The following NIBAN2 variants were observed in gnomAD, a reference collection of about 807,000 sequenced individuals.
NIBAN2 encodes protein Niban 2.
In NIBAN2, 36 loss-of-function variants were observed where a neutral mutation model predicts 81.8. The observed-to-expected ratio is 0.44, with a 90% CI of 0.34 to 0.58. The LOEUF is 0.58. Ranked by LOEUF, NIBAN2 falls within the 20% of genes least tolerant of loss-of-function variation. The pLI is 0.02. For synonymous variants in NIBAN2, 445 were observed against 441.6 expected (o/e 1.01, Z -0.10); for missense variants, 897 against 1,014.1 (o/e 0.88, Z 1.57).
At position 127,510,332 on chromosome 9, in the gene NIBAN2, G is replaced by A; in HGVS notation, c.975C>T (p.Ala325=). Reference sequence around the variant, plus strand: ...ACACCTCTGCCTTGGGGAGGATGAAGGCTGTGCCCCGAGGGAGCCGGGTCA... The same window carrying A: ...ACACCTCTGCCTTGGGGAGGATGAAAGCTGTGCCCCGAGGGAGCCGGGTCA... The part of the protein sequence containing the change: ...SKEHLASKIR[A]FILPKAEVCV... Residue 325 remains alanine (A), a splice_region_variant and synonymous_variant, in exon 9 of 14, where the codon GCC becomes GCT. Coordinates refer to ENST00000373312, the MANE Select transcript of NIBAN2 (RefSeq NM_022833.4). 6.3e-7 allele frequency: 1 copy of A among 1,595,832 alleles called. No homozygotes were observed. The highest frequency in any genetic ancestry group is 2.3e-5 in the East Asian group (1 of 44,304).
chr9:127,573,653 T>C (rs1382339787), upstream of NIBAN2, among the ~76,000 whole-genome samples: 2 of 152,014 alleles, frequency 1.3e-5, no homozygotes, highest in African/African-American at 2.4e-5. Flanking sequence ...GTGGGTTTTA[T>C]TTTTATTTTG....
chr9:127,568,122 G>A (rs764117673), intron 1 of NIBAN2, among the ~76,000 whole-genome samples: 23 of 152,228 alleles, frequency 1.5e-4, no homozygotes, highest in Non-Finnish European at 1.3e-4. Flanking sequence ...GTAATAGGCT[G>A]AGAGTAGGGT....
chr9:127,519,400 G>A (rs1011572383), intron 5 of NIBAN2, among the ~76,000 whole-genome samples: 4 of 152,122 alleles, frequency 2.6e-5, no homozygotes, highest in African/African-American at 4.8e-5. Flanking sequence ...AAACGCCACC[G>A]AGCCAGGCAG....
chr9:127,550,622 G>A (rs554021332), intron 1 of NIBAN2, among the ~76,000 whole-genome samples: 1 of 152,308 alleles, frequency 6.6e-6, no homozygotes, highest in East Asian at 1.9e-4. Flanking sequence ...GACACCAGAG[G>A]AGGATGGCAT....
intron 1 of NIBAN2, among the ~76,000 whole-genome samples, chr9:127,532,323 G>C (rs1480429918): frequency 6.6e-6 from 1 of 152,160 alleles, no homozygotes; most frequent in African/African-American, 2.4e-5. Flanking sequence ...AAAGATGGAG[G>C]GGGGCCAGGC....
intron 1 of NIBAN2, among the ~76,000 whole-genome samples, chr9:127,532,914 T>C (rs747096254): frequency 6.6e-6 from 1 of 151,990 alleles, no homozygotes; most frequent in African/African-American, 2.4e-5. Context: ...TCACAGCACT[T>C]TGGGAGGACA....
At chr9:127,519,841 C>T (rs1489257599) in intron 5 of NIBAN2, among the ~76,000 whole-genome samples, 1 of 152,248 alleles carries the variant, frequency 6.6e-6, no homozygotes. Flanking sequence ...CCCCACCCGC[C>T]TCTCAGAAGG....
At chr9:127,529,198 C>T (rs1837133295) in intron 2 of NIBAN2, among the ~76,000 whole-genome samples, 1 of 152,192 alleles carries the variant, frequency 6.6e-6, no homozygotes, top group Non-Finnish European at 1.5e-5. Flanking sequence ...AACTGGAACT[C>T]CTGTGTCGGC....
intron 3 of NIBAN2, 102 bp from the exon 4 acceptor site, chr9:127,525,265 G>C (rs911094511): frequency 3.9e-6 from 3 of 766,196 alleles, no homozygotes; most frequent in Non-Finnish European, 4.4e-6. Flanking sequence ...AAGTGGGGAG[G>C]AGAAGGGAAA....
chr9:127,569,138 C>T (rs1473681978), upstream of NIBAN2: 2 of 935,930 alleles, frequency 2.1e-6, no homozygotes, highest in African/African-American at 1.8e-5. Flanking sequence ...ACCACGCCCC[C>T]GCAGGCCAAC....
chr9:127,564,729 C>T (rs1018514262), intron 1 of NIBAN2, among the ~76,000 whole-genome samples: 10 of 151,924 alleles, frequency 6.6e-5, no homozygotes, highest in African/African-American at 1.7e-4. Context: ...CAAAATTAGC[C>T]GGGCATGGTG....
chr9:127,573,139 G>A (rs10760490), upstream of NIBAN2, among the ~76,000 whole-genome samples: 20,590 of 152,186 alleles, frequency 0.14, 1,499 homozygotes, highest in Admixed American at 0.17. Context: ...CACAGAGAAG[G>A]CGTGACAGGT....
chr9:127,577,710 T>TTTTGTTTGTTTGTTTGTTTGTTTC (rs376947080), intron 1 of NIBAN2, among the ~76,000 whole-genome samples: 1 of 151,856 alleles, frequency 6.6e-6, no homozygotes, highest in African/African-American at 2.4e-5. Flanking sequence ...TGCTATATCT[T>TTTTGTTTGTTTGTTTGTTTGTTTC]TTTGTTTGTT....
intron 9 of NIBAN2, 89 bp downstream of exon 9, chr9:127,510,057 G>T (rs1440366383): frequency 5.4e-6 from 7 of 1,292,558 alleles, no homozygotes; most frequent in Non-Finnish European, 7.5e-6. Flanking sequence ...GGAGGGGAAC[G>T]GCTGCCCGGA....
At chr9:127,519,315 T>C (rs943882400) in intron 5 of NIBAN2, among the ~76,000 whole-genome samples, 2 of 151,660 alleles carry the variant, frequency 1.3e-5, no homozygotes, top group African/African-American at 4.9e-5. Context: ...GAGTGAGGCG[T>C]GGACCTCCAG....
At chr9:127,519,276 T>C (rs1449229967) in intron 5 of NIBAN2, among the ~76,000 whole-genome samples, 2 of 151,302 alleles carry the variant, frequency 1.3e-5, no homozygotes, top group African/African-American at 4.9e-5. Flanking sequence ...GTGCTGTCAG[T>C]GGCCCAAACG....
chr9:127,530,084 T>C (rs377055649), intron 2 of NIBAN2, among the ~76,000 whole-genome samples: 1 of 152,228 alleles, frequency 6.6e-6, no homozygotes, highest in Non-Finnish European at 1.5e-5. Flanking sequence ...AGGGGAGCCA[T>C]TCTGGCCCCG....
At chr9:127,514,594 T>C (rs550408314) in intron 8 of NIBAN2, among the ~76,000 whole-genome samples, 2 of 152,250 alleles carry the variant, frequency 1.3e-5, no homozygotes, top group African/African-American at 4.8e-5. Flanking sequence ...CAATGAAAAA[T>C]ACCTTAGTAG....
upstream of NIBAN2, among the ~76,000 whole-genome samples, chr9:127,572,573 T>C (rs139908901): frequency 4.9e-4 from 75 of 152,188 alleles, no homozygotes; most frequent in East Asian, 0.011. Flanking sequence ...TGGGACCTGA[T>C]TGGCAAGAAG....
Sources: gnomAD v4.1 joint callset for allele counts (sites outside exome capture counted in the v4.1 genomes callset) on GRCh38, gnomAD v4.1.1 for gene constraint, MANE v1.5 for transcripts, NCBI Gene and HGNC (gene_info 2026-07-23, HGNC 2026-07-21) for gene names.